The following USP13 variants were observed in gnomAD, a reference collection of about 807,000 sequenced individuals.
The protein encoded by USP13 is ubiquitin carboxyl-terminal hydrolase 13.
A neutral mutation model predicts 107.8 loss-of-function variants in USP13; 68 were observed. That is an observed-to-expected ratio of 0.63 (90% CI 0.52 to 0.77). The LOEUF (loss-of-function observed/expected upper bound fraction) is 0.77, where lower values mean the gene tolerates loss of function less well. Among genes scored for constraint, USP13 ranks in the 30% least tolerant of loss-of-function variants. The pLI is 0.00. For missense variants in USP13, 945 were observed against 1,093.3 expected, an observed-to-expected ratio of 0.86 and a Z score of 1.91; for synonymous variants, 377 against 389.5, an observed-to-expected ratio of 0.97 and a Z score of 0.38.
At chr3:179,754,955 A>C in intron 15 of USP13, 101 bp downstream of exon 15, 1 of 1,405,032 alleles carries the variant, frequency 7.1e-7, no homozygotes, top group Non-Finnish European at 9.5e-7. Flanking sequence ...ACCACCACCC[A>C]TTGGTGGTCT....
chr3:179,728,537 A>C (rs1382539818), intron 8 of USP13, among the ~76,000 whole-genome samples: 1 of 147,794 alleles, frequency 6.8e-6, no homozygotes, highest in Non-Finnish European at 1.5e-5. Flanking sequence ...ATCCCAGACG[A>C]TGGGCGGCCA....
At chr3:179,752,215 T>TA (rs1278206747) in intron 13 of USP13, 70 bp from the exon 14 acceptor site, 13 of 1,407,318 alleles carry the variant, frequency 9.2e-6, no homozygotes, top group African/African-American at 1.4e-5. Context: ...ACAAAGTTGA[T>TA]ATGCTTTTTG....
intron 2 of USP13, among the ~76,000 whole-genome samples, chr3:179,685,187 ATTTTT>A: frequency 6.7e-6 from 1 of 148,300 alleles, no homozygotes; most frequent in South Asian, 2.1e-4. Context: ...GTACCCTATA[ATTTTT>A]TTTTTTAACC....
rs77050374 is a variant in USP13 at position 179,706,366 on chromosome 3, G to C, written c.478-568G>C. 2.6e-5 allele frequency among the ~76,000 whole-genome samples: 4 copies of C among 152,316 alleles called. No homozygotes were observed. In the East Asian group the frequency reaches 7.7e-4, roughly 29 times the overall value. On this transcript the variant is annotated intron_variant, in intron 4 of 20. Coordinates refer to ENST00000263966, the MANE Select transcript of USP13 (RefSeq NM_003940.3). ...CCCTGTGGTCAGTTGGTGCCGAGCA[G>C]TTCATCACAGATTTGCTCATGATGT...
At chr3:179,669,471 T>A (rs992561342) in intron 1 of USP13, among the ~76,000 whole-genome samples, 3 of 151,054 alleles carry the variant, frequency 2.0e-5, no homozygotes. Flanking sequence ...AAAAAAAAAA[T>A]TAAATAAATA....
chr3:179,742,255 G>A lies in USP13; in HGVS notation c.1439G>A (p.Arg480His), dbSNP rs200026200. The A allele has an allele frequency of 7.4e-6, 12 of 1,614,100 alleles. No homozygotes were observed. Among genetic ancestry groups the A allele is most frequent in the Admixed American group, 6.7e-5 (4 of 60,004 alleles). The change falls in exon 12 of 21, where the codon CGC becomes CAC. Residue 480 changes from arginine (R) to histidine (H), a missense_variant. Arg to His is a conservative substitution (Grantham distance 29). Coordinates refer to ENST00000263966, the MANE Select transcript of USP13 (RefSeq NM_003940.3). This position sits in a 1 kb window ranked among gnomAD's most constrained non-coding sequence, Gnocchi z 5.0. ...GTTTTTCGTTTTTTGGTGGAAGAACGCATTCAGTGCTGTCAGACCCGGAAA... is the reference window on the plus strand; with the variant it reads ...GTTTTTCGTTTTTTGGTGGAAGAACACATTCAGTGCTGTCAGACCCGGAAA... ...SDVFRFLVEE[R>H]IQCCQTRKVR...
intron 2 of USP13, among the ~76,000 whole-genome samples, chr3:179,689,551 G>A (rs1022848464): frequency 6.6e-6 from 1 of 151,828 alleles, no homozygotes; most frequent in African/African-American, 2.4e-5. Context: ...TCAGCTACTC[G>A]GGAGGTTGAG....
intron 10 of USP13, among the ~76,000 whole-genome samples, chr3:179,735,804 A>C (rs1244181256): frequency 1.3e-5 from 2 of 152,184 alleles, no homozygotes; most frequent in African/African-American, 4.8e-5. Flanking sequence ...AAGCTGAGGC[A>C]GGAAGACTGC....
intron 16 of USP13, among the ~76,000 whole-genome samples, chr3:179,759,050 C>T (rs1169706611): frequency 1.3e-5 from 2 of 152,122 alleles, no homozygotes; most frequent in East Asian, 1.9e-4. Context: ...GGCACAGCCT[C>T]GGCCCACTGC....
At chr3:179,692,378 C>A (rs1712144724) in intron 3 of USP13, among the ~76,000 whole-genome samples, 1 of 152,236 alleles carries the variant, frequency 6.6e-6, no homozygotes, top group South Asian at 2.1e-4. Flanking sequence ...CTGGATCCAA[C>A]CTTGCTGTCT....
intron 10 of USP13, 66 bp from the exon 11 acceptor site, chr3:179,740,181 G>C (rs1714136759): frequency 2.5e-6 from 4 of 1,596,944 alleles, no homozygotes; most frequent in Admixed American, 3.4e-5. Flanking sequence ...GTTCTGCTCT[G>C]CTTGCCGCTT....
chr3:179,735,796 G>A (rs941698064), intron 10 of USP13, among the ~76,000 whole-genome samples: 3 of 152,190 alleles, frequency 2.0e-5, no homozygotes, highest in African/African-American at 7.2e-5. Flanking sequence ...ACTTTGAGAA[G>A]CTGAGGCAGG....
intron 15 of USP13, among the ~76,000 whole-genome samples, chr3:179,755,533 C>T (rs1169517522): frequency 3.3e-5 from 5 of 152,254 alleles, no homozygotes; most frequent in East Asian, 1.9e-4. Context: ...CTCCTGACCT[C>T]GTGATCTGCC....
chr3:179,657,803 A>T (rs1369793922), intron 1 of USP13, among the ~76,000 whole-genome samples: 1 of 151,020 alleles, frequency 6.6e-6, no homozygotes, highest in African/African-American at 2.4e-5. Flanking sequence ...AAAAGAGTTA[A>T]TCACAAGTTG....
intron 2 of USP13, among the ~76,000 whole-genome samples, chr3:179,689,558 T>C (rs1712027156): frequency 6.6e-6 from 1 of 151,436 alleles, no homozygotes; most frequent in Non-Finnish European, 1.5e-5. Flanking sequence ...CTCGGGAGGT[T>C]GAGGCAGGAG....
chr3:179,690,195 T>G, intron 2 of USP13, 46 bp from the exon 3 acceptor site: 1 of 1,573,992 alleles, frequency 6.4e-7, no homozygotes, highest in Non-Finnish European at 8.7e-7. Context: ...CACAAAGATG[T>G]TTATTTTATA....
intron 8 of USP13, among the ~76,000 whole-genome samples, chr3:179,728,092 C>G (rs1713617931): frequency 1.2e-5 from 1 of 82,968 alleles, no homozygotes; most frequent in Admixed American, 1.3e-4. Context: ...CCACCTCCCT[C>G]CCGGACGGGG....
chr3:179,708,987 A>T, intron 6 of USP13, 30 bp downstream of exon 6: 1 of 1,604,282 alleles, frequency 6.2e-7, no homozygotes, highest in Non-Finnish European at 8.5e-7. Flanking sequence ...CTTTGGGAAC[A>T]TGCAGTGGCT....
At chr3:179,779,109 G>C (rs1715652737) in intron 19 of USP13, among the ~76,000 whole-genome samples, 2 of 152,112 alleles carry the variant, frequency 1.3e-5, no homozygotes, top group African/African-American at 4.8e-5. Flanking sequence ...CCAGAGTAAG[G>C]GGGATGAGGA....
Sources: allele counts gnomAD v4.1 joint callset (sites outside exome capture counted in the v4.1 genomes callset), GRCh38; gene constraint gnomAD v4.1.1; non-coding constraint Gnocchi (gnomAD v3.1); transcripts MANE v1.5; gene names NCBI Gene and HGNC (gene_info 2026-07-23, HGNC 2026-07-21).